Variants in AFF3 observed in about 807,000 individuals in gnomAD.
AFF3 encodes AF4/FMR2 family member 3.
AFF3 carries 32 observed loss-of-function variants against 129.7 expected under a neutral mutation model. That is an observed-to-expected ratio of 0.25 (90% CI 0.19 to 0.33). The LOEUF (loss-of-function observed/expected upper bound fraction) is 0.33. Among genes scored for constraint, AFF3 ranks in the 10% least tolerant of loss-of-function variants. AFF3 has a pLI of 1.00. For synonymous variants in AFF3, 644 were observed against 635.4 expected (o/e 1.01, Z -0.20); for missense variants, 1,373 against 1,592.0 (o/e 0.86, Z 2.34).
intron 8 of AFF3, among the ~76,000 whole-genome samples, chr2:99,829,539 T>C (rs1021334655): frequency 1.3e-4 from 20 of 152,198 alleles, no homozygotes; most frequent in Admixed American, 6.5e-5. Context: ...AAAAAGCTCA[T>C]CATCACTGGT....
intron 11 of AFF3, among the ~76,000 whole-genome samples, chr2:99,677,638 G>A (rs1358196788): frequency 2.0e-5 from 3 of 152,112 alleles, no homozygotes; most frequent in Admixed American, 6.6e-5. Context: ...CAGGAGCTCC[G>A]TAGAGGAAAG....
chr2:99,975,077 T>C (rs908612351), intron 7 of AFF3, among the ~76,000 whole-genome samples: 1 of 151,882 alleles, frequency 6.6e-6, no homozygotes, highest in Non-Finnish European at 1.5e-5. Flanking sequence ...AGAAGCCTGC[T>C]GAACTGGAAT....
At position 99,864,965 on chromosome 2, in the gene AFF3, G is replaced by A. The variant is rs2105929920; in HGVS notation, c.874-27441C>T. On this transcript the variant is annotated intron_variant, in intron 7 of 24. Transcript: ENST00000672756. ...GACATGAATGTCGCATGTTGCTCCTGAGGCATTTTAATCAGTGTCCCCTAT... is the reference window on the plus strand; with the variant it reads ...GACATGAATGTCGCATGTTGCTCCTAAGGCATTTTAATCAGTGTCCCCTAT... 2.6e-5 allele frequency among the ~76,000 whole-genome samples: 4 copies of A among 152,306 alleles called. 1 individual carries two copies. The Middle Eastern group carries it at 0.014, about 518-fold the overall frequency.
chr2:99,926,831 C>T (rs1696281109), intron 7 of AFF3, among the ~76,000 whole-genome samples: 1 of 152,190 alleles, frequency 6.6e-6, no homozygotes, highest in East Asian at 1.9e-4. Context: ...CTTTCCTCCA[C>T]TTATGTTAAC....
intron 11 of AFF3, among the ~76,000 whole-genome samples, chr2:99,724,234 T>A (rs1422825577): frequency 6.8e-6 from 1 of 146,394 alleles, no homozygotes; most frequent in Non-Finnish European, 1.5e-5. Flanking sequence ...ATCAGAAGGT[T>A]TATGCTCTAA....
chr2:99,890,815 C>A (rs189030226), intron 7 of AFF3, among the ~76,000 whole-genome samples: 1 of 152,292 alleles, frequency 6.6e-6, no homozygotes, highest in South Asian at 2.1e-4. Flanking sequence ...ACACCACCAC[C>A]GGGACCTGCA....
intron 11 of AFF3, among the ~76,000 whole-genome samples, chr2:99,695,476 G>A (rs1010006198): frequency 6.6e-6 from 1 of 152,058 alleles, no homozygotes; most frequent in Non-Finnish European, 1.5e-5. Context: ...CTTTTTAGTC[G>A]GGTCTCTTGA....
chr2:100,121,761 C>G (rs978667673), intron 2 of AFF3, among the ~76,000 whole-genome samples: 8 of 152,126 alleles, frequency 5.3e-5, no homozygotes, highest in African/African-American at 1.9e-4. Flanking sequence ...AGGTGTCAGT[C>G]AAATTAATAA....
chr2:100,106,945 C>T, intron 2 of AFF3: 1 of 985,418 alleles, frequency 1.0e-6, no homozygotes, highest in Non-Finnish European at 1.2e-6. Flanking sequence ...CCCAAAAAGC[C>T]ATGTAGTAAC....
intron 7 of AFF3, among the ~76,000 whole-genome samples, chr2:99,981,296 G>A (rs1239030722): frequency 6.6e-6 from 1 of 152,176 alleles, no homozygotes; most frequent in African/African-American, 2.4e-5. Flanking sequence ...GGGATTACAG[G>A]CATGAGCCAC....
intron 8 of AFF3, among the ~76,000 whole-genome samples, chr2:99,778,456 C>A (rs549167612): frequency 6.6e-6 from 1 of 152,328 alleles, no homozygotes; most frequent in South Asian, 2.1e-4. Flanking sequence ...AGCACACCAG[C>A]AGGATGCCAC....
chr2:100,014,755 TCTCCATAC>T (rs928283464), intron 4 of AFF3, among the ~76,000 whole-genome samples: 6 of 149,812 alleles, frequency 4.0e-5, no homozygotes, highest in African/African-American at 7.4e-5. Flanking sequence ...TATGTTACTC[TCTCCATAC>T]CTCCATACCA....
chr2:99,619,478 T>C (rs1233178929), intron 13 of AFF3, among the ~76,000 whole-genome samples: 2 of 152,164 alleles, frequency 1.3e-5, no homozygotes, highest in South Asian at 4.2e-4. Context: ...CTGCAGGGAG[T>C]GCTGTTCATC....
chr2:99,920,339 AT>A (rs1049521279), intron 7 of AFF3, among the ~76,000 whole-genome samples: 8 of 152,002 alleles, frequency 5.3e-5, no homozygotes, highest in African/African-American at 1.7e-4. Flanking sequence ...ATAAAAAAAA[AT>A]ATGCCGCAAT....
At chr2:99,809,615 C>G (rs982735677) in intron 8 of AFF3, among the ~76,000 whole-genome samples, 4 of 152,204 alleles carry the variant, frequency 2.6e-5, no homozygotes, top group African/African-American at 9.7e-5. Context: ...TAATTTCCAG[C>G]TGTAGGGGAT....
chr2:99,727,193 A>AT (rs1311877521), intron 10 of AFF3, 65 bp from the exon 11 acceptor site: 4 of 1,401,642 alleles, frequency 2.9e-6, no homozygotes, highest in Non-Finnish European at 3.9e-6. Context: ...TTTAAGAGAG[A>AT]TTAAATATAT....
chr2:99,796,385 G>T (rs143440204), intron 8 of AFF3, among the ~76,000 whole-genome samples: 25 of 152,294 alleles, frequency 1.6e-4, no homozygotes, highest in African/African-American at 6.0e-4. Context: ...TAAGAAAATA[G>T]ATTTTAACTC....
chr2:99,913,019 C>CT (rs1165954670), intron 7 of AFF3, among the ~76,000 whole-genome samples: 3 of 152,150 alleles, frequency 2.0e-5, no homozygotes, highest in Admixed American at 2.0e-4. Context: ...CCATCAGAGC[C>CT]TAGACTCACA....
intron 8 of AFF3, among the ~76,000 whole-genome samples, chr2:99,787,301 T>G (rs112877189): frequency 1.7e-4 from 26 of 152,020 alleles, no homozygotes; most frequent in African/African-American, 5.8e-4. Flanking sequence ...GGCTGGGGCA[T>G]AGACGGGAGA....
Sources: gnomAD v4.1 joint callset for allele counts (sites outside exome capture counted in the v4.1 genomes callset) on GRCh38, gnomAD v4.1.1 for gene constraint, MANE v1.5 for transcripts, NCBI Gene and HGNC (gene_info 2026-07-23, HGNC 2026-07-21) for gene names.